LRBA: variants seen among roughly 807,000 people sequenced by gnomAD.
The protein encoded by LRBA is lipopolysaccharide-responsive and beige-like anchor protein.
LRBA carries 176 observed loss-of-function variants against 330.0 expected under a neutral mutation model. That is an observed-to-expected ratio of 0.53 (90% CI 0.47 to 0.60). LRBA has a LOEUF of 0.60. Among genes scored for constraint, LRBA ranks in the 20% least tolerant of loss-of-function variants. LRBA has a pLI of 0.00. For missense variants in LRBA, 3,259 were observed against 3,444.8 expected, an observed-to-expected ratio of 0.95 and a Z score of 1.35; for synonymous variants, 1,230 against 1,193.0, an observed-to-expected ratio of 1.03 and a Z score of -0.64.
chr4:150,889,765 A>C (rs1729288165), intron 17 of LRBA, among the ~76,000 whole-genome samples: 1 of 152,206 alleles, frequency 6.6e-6, no homozygotes, highest in Non-Finnish European at 1.5e-5. Context: ...TTTATGGGCC[A>C]TATCATCTCT....
At chr4:150,761,268 TTC>T (rs1447535500) in intron 35 of LRBA, among the ~76,000 whole-genome samples, 2 of 152,086 alleles carry the variant, frequency 1.3e-5, no homozygotes, top group Non-Finnish European at 2.9e-5. Context: ...CTTTCTTCCC[TTC>T]TCTTACCCAC....
intron 40 of LRBA, among the ~76,000 whole-genome samples, chr4:150,556,833 A>T (rs539725731): frequency 1.3e-5 from 2 of 152,342 alleles, no homozygotes; most frequent in African/African-American, 4.8e-5. Context: ...CAATGTTTTA[A>T]TATCAATGTG....
At chr4:150,803,810 C>T (rs376140070) in intron 33 of LRBA, among the ~76,000 whole-genome samples, 1 of 152,102 alleles carries the variant, frequency 6.6e-6, no homozygotes, top group African/African-American at 2.4e-5. Context: ...CAATAGTACA[C>T]CTTCTTCCTT....
chr4:151,013,161 G>A (rs979607811), intron 2 of LRBA: 2 of 152,108 alleles, frequency 1.3e-5, no homozygotes, highest in African/African-American at 4.8e-5. Context: ...AACTGCCCCA[G>A]AATAAAACAA....
intron 40 of LRBA, among the ~76,000 whole-genome samples, chr4:150,550,319 C>T (rs1766427410): frequency 6.6e-6 from 1 of 151,954 alleles, no homozygotes; most frequent in Non-Finnish European, 1.5e-5. Context: ...CCAAAACAAC[C>T]TCATACTAAA....
At chr4:150,892,383 G>T (rs1200578355) in intron 17 of LRBA, among the ~76,000 whole-genome samples, 1 of 152,184 alleles carries the variant, frequency 6.6e-6, no homozygotes, top group Non-Finnish European at 1.5e-5. Context: ...GGTCCTAAGA[G>T]TGGGTCCCTA....
intron 17 of LRBA, among the ~76,000 whole-genome samples, chr4:150,892,799 A>G (rs1322008884): frequency 1.3e-5 from 2 of 152,226 alleles, no homozygotes; most frequent in Admixed American, 6.5e-5. Context: ...GCTCTATAAT[A>G]GCACTCACCA....
At chr4:150,827,215 A>G in intron 30 of LRBA, among the ~76,000 whole-genome samples, 1 of 152,232 alleles carries the variant, frequency 6.6e-6, no homozygotes, top group Admixed American at 6.5e-5. Context: ...ATCTGGCAGA[A>G]GGGTTCTAAT....
chr4:150,809,767 G>A (rs1321802032), intron 31 of LRBA, among the ~76,000 whole-genome samples: 1 of 152,094 alleles, frequency 6.6e-6, no homozygotes, highest in Non-Finnish European at 1.5e-5. Flanking sequence ...AGGATCACTT[G>A]AGCCTAGAGG....
chr4:150,534,010 T>C (rs1283666177), intron 40 of LRBA, among the ~76,000 whole-genome samples: 1 of 152,190 alleles, frequency 6.6e-6, no homozygotes, highest in African/African-American at 2.4e-5. Flanking sequence ...ACCCCAGTCC[T>C]TGTCTTTTCC....
At chr4:151,009,731 A>T (rs1322346921) in intron 2 of LRBA, among the ~76,000 whole-genome samples, 1 of 152,164 alleles carries the variant, frequency 6.6e-6, no homozygotes, top group East Asian at 1.9e-4. Context: ...CTGTAATCCC[A>T]GCACTTTGAG....
At chr4:150,352,927 A>C (rs1737370508) in intron 47 of LRBA, among the ~76,000 whole-genome samples, 1 of 152,188 alleles carries the variant, frequency 6.6e-6, no homozygotes. Context: ...CATACACTTA[A>C]ATGGCAATTT....
chr4:150,596,314 CTA>C (rs1276486922), intron 38 of LRBA, among the ~76,000 whole-genome samples: 1 of 151,864 alleles, frequency 6.6e-6, no homozygotes, highest in Non-Finnish European at 1.5e-5. Flanking sequence ...CACCTTTACA[CTA>C]GAGGCTTTCC....
intron 22 of LRBA, among the ~76,000 whole-genome samples, chr4:150,859,399 TA>T: frequency 6.6e-6 from 1 of 152,140 alleles, no homozygotes; most frequent in South Asian, 2.1e-4. Context: ...AATTAATGAG[TA>T]AAAGCATTTT....
chr4:150,954,817 C>CAAAAAAAAAAAAA (rs34282784), intron 2 of LRBA, among the ~76,000 whole-genome samples: 36 of 45,494 alleles, frequency 7.9e-4, no homozygotes, highest in Non-Finnish European at 1.0e-3. Flanking sequence ...ACTCAGAAAT[C>CAAAAAAAAAAAAA]AAAAAAAAAA....
At chr4:150,742,768 C>T (rs1732192505) in intron 35 of LRBA, among the ~76,000 whole-genome samples, 1 of 152,002 alleles carries the variant, frequency 6.6e-6, no homozygotes, top group South Asian at 2.1e-4. Flanking sequence ...CATGGTGGTA[C>T]ACATCTGTAG....
At chr4:150,952,388 T>A (rs1736931315) in intron 2 of LRBA, among the ~76,000 whole-genome samples, 1 of 152,146 alleles carries the variant, frequency 6.6e-6, no homozygotes. Context: ...GACAATAAAC[T>A]ATTAACAATG....
At chr4:150,320,861 T>C (rs940154680) in intron 50 of LRBA, among the ~76,000 whole-genome samples, 1 of 151,888 alleles carries the variant, frequency 6.6e-6, no homozygotes, top group Admixed American at 6.6e-5. Flanking sequence ...AAAATGAAAG[T>C]AAAAAAGAGA....
intron 46 of LRBA, among the ~76,000 whole-genome samples, chr4:150,418,949 T>C (rs1748174865): frequency 6.6e-6 from 1 of 152,014 alleles, no homozygotes; most frequent in Non-Finnish European, 1.5e-5. Context: ...GTTCTCAAAA[T>C]CTACAGTCAG....
Sources: allele counts gnomAD v4.1 joint callset (sites outside exome capture counted in the v4.1 genomes callset), GRCh38; gene constraint gnomAD v4.1.1; transcripts MANE v1.5; gene names NCBI Gene and HGNC (gene_info 2026-07-23, HGNC 2026-07-21).